NDUFAF6: variants seen among roughly 807,000 people sequenced by gnomAD.
The protein encoded by NDUFAF6 is NADH dehydrogenase (ubiquinone) complex I, assembly factor 6.
In NDUFAF6, 45 loss-of-function variants were observed where a neutral mutation model predicts 40.8. The observed-to-expected ratio is 1.10, with a 90% CI of 0.87 to 1.42. The LOEUF (loss-of-function observed/expected upper bound fraction) is 1.42. Among genes scored for constraint, NDUFAF6 ranks in the 40% most tolerant of loss-of-function variants. The probability of loss-of-function intolerance (pLI) is 0.00; values close to 1 mark genes in which losing one functional copy is unlikely to be tolerated. For missense variants in NDUFAF6, 435 were observed against 418.5 expected (o/e 1.04, Z -0.34); for synonymous variants, 185 against 155.9 (o/e 1.19, Z -1.39).
chr8:95,003,156 G>A (rs1331863279), intron 2 of NDUFAF6, among the ~76,000 whole-genome samples: 3 of 152,216 alleles, frequency 2.0e-5, no homozygotes, highest in Non-Finnish European at 4.4e-5. Flanking sequence ...ATGAATGAAG[G>A]AGGGGCAATT....
chr8:95,075,537 C>A, intron 9 of NDUFAF6: 2 of 1,066,856 alleles, frequency 1.9e-6, no homozygotes, highest in Non-Finnish European at 1.3e-6. Flanking sequence ...TTTTATCCTC[C>A]CCAGGCCAAC....
chr8:94,909,133 G>A (rs1438683736), intron 1 of NDUFAF6, among the ~76,000 whole-genome samples: 1 of 152,028 alleles, frequency 6.6e-6, no homozygotes, highest in Non-Finnish European at 1.5e-5. Context: ...ATCACCTGAG[G>A]TCAGGAGTTC....
chr8:95,074,440 C>T (rs921240754), intron 9 of NDUFAF6, among the ~76,000 whole-genome samples: 1 of 113,638 alleles, frequency 8.8e-6, no homozygotes, highest in Non-Finnish European at 1.9e-5. Context: ...GCTGAGATTT[C>T]CACCTCTCTG....
At chr8:94,953,343 T>G (rs1027602331), upstream of NDUFAF6, among the ~76,000 whole-genome samples, 1 of 146,052 alleles carries the variant, frequency 6.8e-6, no homozygotes, top group African/African-American at 2.6e-5. Flanking sequence ...GGAAACTCCA[T>G]CTCAAGAAAA....
At chr8:95,042,638 G>A (rs1830270175) in intron 4 of NDUFAF6, among the ~76,000 whole-genome samples, 1 of 152,110 alleles carries the variant, frequency 6.6e-6, no homozygotes. Flanking sequence ...TGACAAACTG[G>A]TCCTAAAATT....
chr8:95,091,994 G>A (rs956277984), intron 2 of NDUFAF6, among the ~76,000 whole-genome samples: 4 of 151,300 alleles, frequency 2.6e-5, no homozygotes, highest in Admixed American at 6.6e-5. Flanking sequence ...CTGCCTAAGT[G>A]CATGTTAACT....
intron 1 of NDUFAF6, among the ~76,000 whole-genome samples, chr8:94,931,605 C>CATATATAT (rs141760825): frequency 6.0e-5 from 9 of 149,030 alleles, no homozygotes; most frequent in Non-Finnish European, 8.9e-5. Flanking sequence ...CACACACACA[C>CATATATAT]ACACATAAAA....
At chr8:95,007,418 C>G (rs902771718) in intron 2 of NDUFAF6, among the ~76,000 whole-genome samples, 1 of 151,970 alleles carries the variant, frequency 6.6e-6, no homozygotes, top group Admixed American at 6.6e-5. Context: ...AATCCCAATA[C>G]TTTGGGAGGC....
At chr8:95,106,157 C>T (rs1304536521), downstream of NDUFAF6, among the ~76,000 whole-genome samples, 1 of 151,910 alleles carries the variant, frequency 6.6e-6, no homozygotes, top group East Asian at 1.9e-4. Context: ...CACCTGTGGT[C>T]CCAGCTACCC....
intron 4 of NDUFAF6, among the ~76,000 whole-genome samples, chr8:95,043,032 T>G (rs1830312096): frequency 6.6e-6 from 1 of 151,698 alleles, no homozygotes; most frequent in Non-Finnish European, 1.5e-5. Context: ...TGTGAAACTC[T>G]TAGGGGAAAG....
intron 1 of NDUFAF6, among the ~76,000 whole-genome samples, chr8:94,966,264 A>G (rs1397831895): frequency 6.6e-6 from 1 of 152,202 alleles, no homozygotes; most frequent in African/African-American, 2.4e-5. Context: ...TGTAAGGCTT[A>G]TATCAGTCAG....
intron 9 of NDUFAF6, among the ~76,000 whole-genome samples, chr8:95,073,726 C>T (rs1832948122): frequency 6.6e-6 from 1 of 152,140 alleles, no homozygotes; most frequent in Admixed American, 6.5e-5. Context: ...GACAGAGGCA[C>T]AAGTGAAAGT....
chr8:95,108,644 G>A (rs1809910223), intron 4 of NDUFAF6, among the ~76,000 whole-genome samples: 1 of 152,166 alleles, frequency 6.6e-6, no homozygotes, highest in African/African-American at 2.4e-5. Context: ...GGCGATGGTT[G>A]CACACAGTGT....
chr8:95,104,242 C>G, downstream of NDUFAF6, among the ~76,000 whole-genome samples: 1 of 152,146 alleles, frequency 6.6e-6, no homozygotes, highest in East Asian at 1.9e-4. Context: ...TTCACATTTC[C>G]TAGTTCTTTT....
chr8:94,901,305 A>G (rs1818000136), intron 1 of NDUFAF6, among the ~76,000 whole-genome samples: 1 of 152,052 alleles, frequency 6.6e-6, no homozygotes, highest in African/African-American at 2.4e-5. Flanking sequence ...CCAGCAGGGG[A>G]AAAGAGTAGA....
At chr8:94,947,503 C>T (rs940352600) in intron 2 of NDUFAF6, among the ~76,000 whole-genome samples, 3 of 152,148 alleles carry the variant, frequency 2.0e-5, no homozygotes, top group Non-Finnish European at 4.4e-5. Flanking sequence ...AAAAACCAAG[C>T]CAAGAAAGTT....
intron 2 of NDUFAF6, among the ~76,000 whole-genome samples, chr8:95,002,040 A>C (rs897856636): frequency 6.6e-6 from 1 of 152,366 alleles, no homozygotes; most frequent in South Asian, 2.1e-4. Context: ...AAGTTTGAAG[A>C]CAATGAAAAG....
chr8:94,902,781 C>T (rs1485750711), intron 1 of NDUFAF6, among the ~76,000 whole-genome samples: 2 of 150,998 alleles, frequency 1.3e-5, no homozygotes, highest in Non-Finnish European at 1.5e-5. Flanking sequence ...CTGCAACCTC[C>T]GGCTCCTGGG....
At chr8:94,991,805 C>T (rs911412375) in intron 2 of NDUFAF6, among the ~76,000 whole-genome samples, 2 of 141,468 alleles carry the variant, frequency 1.4e-5, no homozygotes, top group Admixed American at 7.0e-5. Context: ...CGCCCCCCCC[C>T]CCTTTTTTTT....
Sources: allele counts gnomAD v4.1 joint callset (sites outside exome capture counted in the v4.1 genomes callset), GRCh38; gene constraint gnomAD v4.1.1; transcripts MANE v1.5; gene names NCBI Gene and HGNC (gene_info 2026-07-23, HGNC 2026-07-21).